SP4: variants seen among roughly 807,000 people sequenced by gnomAD.
SP4 encodes transcription factor Sp4.
Under a neutral mutation model 72.8 loss-of-function variants are expected in SP4, and 19 were observed. The ratio of observed to expected loss-of-function variants is 0.26; its 90% CI spans 0.18 to 0.38. The LOEUF is 0.38. SP4 is among the 10% of genes least tolerant of loss of function. The pLI is 1.00. For missense variants in SP4, 1,008 were observed against 926.3 expected, an observed-to-expected ratio of 1.09 and a Z score of -1.14; for synonymous variants, 395 against 333.1, an observed-to-expected ratio of 1.19 and a Z score of -2.02.
intron 5 of SP4, among the ~76,000 whole-genome samples, chr7:21,493,497 A>G (rs907214253): frequency 5.9e-5 from 9 of 152,186 alleles, no homozygotes; most frequent in African/African-American, 2.2e-4. Flanking sequence ...CAAAATGAAG[A>G]GCCAATTAAA....
chr7:21,480,207 G>T (rs10271650), intron 4 of SP4, among the ~76,000 whole-genome samples: 7,166 of 152,188 alleles, frequency 0.047, 346 homozygotes, highest in African/African-American at 0.12. Context: ...TCATAAGAGA[G>T]ATGTCTGTGG....
chr7:21,491,481 T>TA (rs1178280365), intron 5 of SP4, among the ~76,000 whole-genome samples: 2 of 152,038 alleles, frequency 1.3e-5, no homozygotes, highest in African/African-American at 4.8e-5. Flanking sequence ...AAAGGAAAAA[T>TA]ACTGCTGTAA....
intron 3 of SP4, among the ~76,000 whole-genome samples, chr7:21,456,204 C>T (rs1251713782): frequency 6.6e-6 from 1 of 152,174 alleles, no homozygotes; most frequent in East Asian, 1.9e-4. Flanking sequence ...AATTTTCTCT[C>T]CTCCCAAAGG....
In SP4 at chr7:21,513,075, T is replaced by C. The variant is rs1293428020; in HGVS notation, c.*1806T>C. On this transcript the variant is annotated 3_prime_UTR_variant, in exon 6 of 6. Transcript: ENST00000222584. ...CATTGCTTTGGGGACTGTTTGAATA[T>C]AGGTACGTGTTTTCTTGTGCATTCT... The C allele has an allele frequency of 2.6e-5, 4 of 152,662 alleles. No homozygotes were observed. The highest frequency in any genetic ancestry group is 5.9e-5 in the Non-Finnish European group (4 of 68,044). 9.5% of individuals were successfully genotyped at this position (152,662 alleles called of 1,614,324 possible).
intron 3 of SP4, among the ~76,000 whole-genome samples, chr7:21,445,036 T>C (rs1423103582): frequency 2.6e-5 from 4 of 152,176 alleles, no homozygotes; most frequent in African/African-American, 7.2e-5. Flanking sequence ...ATGGACTGTG[T>C]TGATTGGGAA....
intron 3 of SP4, among the ~76,000 whole-genome samples, chr7:21,450,781 A>G (rs949916891): frequency 6.6e-6 from 1 of 152,220 alleles, no homozygotes; most frequent in Non-Finnish European, 1.5e-5. Context: ...TCGTGAATCC[A>G]TACAGGTCTG....
In SP4 at chr7:21,511,906, C is replaced by T. The variant is rs1471339265; in HGVS notation, c.*637C>T. 1 of 152,462 alleles carries T rather than the reference C, an allele frequency of 6.6e-6. No individual in the cohort carries two copies. Among genetic ancestry groups the T allele is most frequent in the Non-Finnish European group, 1.5e-5 (1 of 68,014 alleles). The allele number at this position is 152,462 out of a possible 1,614,324, so 9.4% of individuals were successfully genotyped here. A position where few individuals can be genotyped will look rare whatever the true frequency, so the allele number is the denominator to read the frequency against. On this transcript the variant is annotated 3_prime_UTR_variant, in exon 6 of 6. Transcript: ENST00000222584. ...GTGTATGCAGACAATCAGTGAAGTC[C>T]AATTACTTTCTCCATTTGGAGACAC...
In SP4 at chr7:21,448,133, G is replaced by A. The variant is rs527505714; in HGVS notation, c.1678+17290G>A. ...TATTTGCTTGGATTTCATTTTGTAG[G>A]TTAATCTAAATTTTTTGAACCACTT... On this transcript the variant is annotated intron_variant, in intron 3 of 5. Coordinates refer to ENST00000222584, the MANE Select transcript of SP4 (RefSeq NM_003112.5). 4.2e-4 allele frequency among the ~76,000 whole-genome samples: 64 copies of A among 152,222 alleles called. 1 individual carries two copies. The South Asian group carries it at 0.013, about 31-fold the overall frequency.
In SP4 at chr7:21,428,203, C is replaced by CCCCCCA; in HGVS notation, c.-49_-48insCCCCCA. ...CTCCCGCCTCGCCCCCACCCCCACC[C>CCCCCCA]ACCTCTATCCCAGTGTCTCCGTCTG... On this transcript the variant is annotated 5_prime_UTR_variant, in exon 1 of 6. Coordinates refer to ENST00000222584, the MANE Select transcript of SP4 (RefSeq NM_003112.5). 8.2e-7 allele frequency: 1 copy of CCCCCCA among 1,216,712 alleles called. No individual in the cohort carries two copies. Among genetic ancestry groups the CCCCCCA allele is most frequent in the Non-Finnish European group, 1.2e-6 (1 of 854,960 alleles). 75.4% of individuals were successfully genotyped at this position (1,216,712 alleles called of 1,614,324 possible).
At chr7:21,487,905 G>C (rs1003982382) in intron 5 of SP4, among the ~76,000 whole-genome samples, 1 of 151,840 alleles carries the variant, frequency 6.6e-6, no homozygotes, top group Admixed American at 6.6e-5. Flanking sequence ...TCTGTCACCA[G>C]GCTGGAGTTC....
At position 21,429,819 on chromosome 7, in the gene SP4, T is replaced by C. The variant is rs1460232345; in HGVS notation, c.654T>C (p.Asn218=). ...LTAANRTASG[N]ILAQNLANQT... ...CTGCTAACAGGACAGCTTCTGGGAA[T>C]ATTCTTGCTCAAAACCTGGCAAATC... The change falls in exon 3 of 6, where the codon AAT becomes AAC. Residue 218 remains asparagine (N), a synonymous_variant. Coordinates refer to ENST00000222584, the MANE Select transcript of SP4 (RefSeq NM_003112.5). The C allele has an allele frequency of 3.1e-6, 5 of 1,614,238 alleles. No homozygotes were observed. Among genetic ancestry groups the C allele is most frequent in the South Asian group, 1.1e-5 (1 of 91,090 alleles).
chr7:21,500,727 C>T (rs1005567937), intron 5 of SP4, among the ~76,000 whole-genome samples: 5 of 152,190 alleles, frequency 3.3e-5, no homozygotes, highest in Non-Finnish European at 5.9e-5. Context: ...CCTCACTATT[C>T]TAATCTCCCT....
At chr7:21,474,213 C>T (rs898067755) in intron 3 of SP4, among the ~76,000 whole-genome samples, 1 of 152,096 alleles carries the variant, frequency 6.6e-6, no homozygotes, top group Admixed American at 6.6e-5. Context: ...ACTCATCTAG[C>T]AGTTCTTTAC....
chr7:21,510,851 T>A (rs1218783761), intron 5 of SP4, among the ~76,000 whole-genome samples, 171 bp from the exon 6 acceptor site: 2 of 152,234 alleles, frequency 1.3e-5, no homozygotes, highest in Non-Finnish European at 2.9e-5. Context: ...AATCACATGG[T>A]CTTTCTCTTT....
At position 21,430,637 on chromosome 7, in the gene SP4, C is replaced by G. The variant is rs1282738355; in HGVS notation, c.1472C>G (p.Ser491Cys). The G allele has an allele frequency of 1.9e-6, 3 of 1,614,206 alleles. No individual in the cohort carries two copies. In the Admixed American group the frequency reaches 5.0e-5, roughly 27 times the overall value. ...TTGCAAGTTCAGAATGCTGGGTTAT[C>G]CCAACAATTAACCATCACCCCAGTG... The part of the protein sequence containing the change: ...SNLQVQNAGL[S>C]QQLTITPVSS... The change falls in exon 3 of 6, where the codon TCC becomes TGC. Residue 491 changes from serine (S) to cysteine (C), a missense_variant. By Grantham distance (112) the Ser-to-Cys change is moderately radical. Around this residue, in one of 3 missense-constraint regions of SP4, gnomAD observed 893 missense variants for 743.3 expected, o/e 1.20. Transcript: ENST00000222584.
intron 5 of SP4, among the ~76,000 whole-genome samples, chr7:21,488,714 C>T (rs552157935): frequency 5.1e-4 from 78 of 151,600 alleles, no homozygotes; most frequent in Middle Eastern, 6.8e-3. Context: ...CCTATGATCC[C>T]GTGAATAGCC....
intron 5 of SP4, among the ~76,000 whole-genome samples, chr7:21,490,916 G>A (rs1210691199): frequency 6.6e-6 from 1 of 152,198 alleles, no homozygotes; most frequent in African/African-American, 2.4e-5. Context: ...AACCTAAACG[G>A]GTTGAGTGCC....
rs1782790820 is a variant in SP4, at chr7:21,430,175, C to T, written c.1010C>T (p.Thr337Ile). 1.2e-6 allele frequency: 2 copies of T among 1,614,088 alleles called. No homozygotes were observed. The highest frequency in any genetic ancestry group is 2.7e-5 in the African/African-American group (2 of 74,944). The change falls in exon 3 of 6, where the codon ACA (threonine) becomes ATA (isoleucine). Residue 337 changes from threonine (T) to isoleucine (I), a missense_variant. Physicochemically the swap from Thr to Ile is moderately conservative, Grantham distance 89. Transcript: ENST00000222584. ...TCAACGTCTTTGACAAGCAGTGACA[C>T]ATTAGTGAGCTCAGCAGATACTGGC... is the stretch of plus-strand genomic sequence containing the variant. ...TASTSLTSSD[T>I]LVSSADTGQY...
intron 3 of SP4, among the ~76,000 whole-genome samples, chr7:21,452,783 A>ATTT (rs1210906365): frequency 1.5e-5 from 2 of 136,912 alleles, no homozygotes; most frequent in African/African-American, 2.7e-5. Flanking sequence ...TTTACTCATT[A>ATTT]TTTTTTTTTT....
Sources: gnomAD v4.1 joint callset for allele counts (sites outside exome capture counted in the v4.1 genomes callset) on GRCh38, gnomAD v4.1.1 for gene constraint, gnomAD v4.1.1 regional missense constraint, MANE v1.5 for transcripts, NCBI Gene and HGNC (gene_info 2026-07-23, HGNC 2026-07-21) for gene names.